MACF1: variants seen among roughly 807,000 people sequenced by gnomAD.
MACF1 encodes the protein microtubule actin crosslinking factor 1.
In MACF1, 193 loss-of-function variants were observed where a neutral mutation model predicts 854.8. That is an observed-to-expected ratio of 0.23 (90% CI 0.20 to 0.25). MACF1 has a LOEUF of 0.25. Ranked by LOEUF, MACF1 falls within the 10% of genes least tolerant of loss-of-function variation. The pLI, the probability that MACF1 is intolerant of heterozygous loss-of-function variation, is 1.00. For missense variants in MACF1, 7,722 were observed against 8,929.1 expected, an observed-to-expected ratio of 0.86 and a Z score of 5.45; for synonymous variants, 3,185 against 3,226.7, an observed-to-expected ratio of 0.99 and a Z score of 0.44.
chr1:39,334,378 A>C lies in MACF1; in HGVS notation c.7790A>C (p.Glu2597Ala), dbSNP rs1170155818. ...LISGQRLTLA[E>A]AKKEGLLTNE... ...TCTGGTCAGAGATTGACCTTGGCAG[A>C]AGCTAAAAAAGAAGGACTGTTAACT... The change falls in exon 37 of 101, where the codon GAA (glutamate) becomes GCA (alanine). Residue 2597 changes from glutamate to alanine, a missense_variant. By Grantham distance (107) the Glu-to-Ala change is moderately radical (BLOSUM62 -1). Coordinates refer to ENST00000564288, the MANE Select transcript of MACF1 (RefSeq NM_001394062.1). 6.2e-7 allele frequency: 1 copy of C among 1,614,160 alleles called. No individual in the cohort carries two copies. Among genetic ancestry groups the C allele is most frequent in the South Asian group, 1.1e-5 (1 of 91,080 alleles).
At chr1:39,158,225 G>C (rs983835957) in intron 2 of MACF1, among the ~76,000 whole-genome samples, 1 of 152,182 alleles carries the variant, frequency 6.6e-6, no homozygotes, top group South Asian at 2.1e-4. Flanking sequence ...TTGGGGATAT[G>C]TGGGTGATAT....
chr1:39,360,235 A>G (rs943584474), intron 47 of MACF1, among the ~76,000 whole-genome samples: 2 of 151,288 alleles, frequency 1.3e-5, no homozygotes, highest in African/African-American at 2.4e-5. Flanking sequence ...CTCAAAAGAA[A>G]CGAAAGATAA....
chr1:39,324,435 C>T, intron 34 of MACF1, 90 bp downstream of exon 34: 2 of 1,461,318 alleles, frequency 1.4e-6, no homozygotes, highest in Non-Finnish European at 1.8e-6. Flanking sequence ...GTGGGCCATT[C>T]CAGAAGTGAT....
intron 2 of MACF1, among the ~76,000 whole-genome samples, chr1:39,247,113 C>T (rs1172129295): frequency 7.6e-6 from 1 of 132,250 alleles, no homozygotes; most frequent in African/African-American, 2.9e-5. Flanking sequence ...CGCTCTGTTG[C>T]CCAGGCTGGA....
chr1:39,314,573 A>T (rs75402630), intron 26 of MACF1, among the ~76,000 whole-genome samples: 35 of 54,288 alleles, frequency 6.4e-4, no homozygotes, highest in East Asian at 1.8e-3. Flanking sequence ...TCTCTCTCAC[A>T]CACACACACA....
intron 44 of MACF1, among the ~76,000 whole-genome samples, chr1:39,353,629 G>A (rs567783849): frequency 1.3e-5 from 2 of 152,008 alleles, no homozygotes; most frequent in African/African-American, 4.8e-5. Flanking sequence ...CTTCAAAACG[G>A]TATATAAATC....
chr1:39,340,533 C>T lies in MACF1; in HGVS notation c.10247C>T (p.Thr3416Ile), dbSNP rs750776240. 3 of 1,613,860 alleles carry T rather than the reference C, an allele frequency of 1.9e-6. No homozygotes were observed. Among genetic ancestry groups the T allele is most frequent in the Non-Finnish European group, 1.7e-6 (2 of 1,179,918 alleles). The part of the protein sequence containing the change: ...VLERELKDLT[T>I]LVSQELECVN... ...GAAAGGGAGTTAAAGGATCTGACCA[C>T]CTTGGTCAGTCAGGAGCTGGAGTGT... Residue 3416 changes from threonine (T) to isoleucine (I), a missense_variant, in exon 39 of 101, where the codon ACC becomes ATC. By Grantham distance (89) the Thr-to-Ile change is moderately conservative (BLOSUM62 -1). Coordinates refer to ENST00000564288, the MANE Select transcript of MACF1 (RefSeq NM_001394062.1).
intron 58 of MACF1, among the ~76,000 whole-genome samples, chr1:39,408,730 GT>G (rs1347864216): frequency 6.6e-6 from 1 of 152,082 alleles, no homozygotes; most frequent in Non-Finnish European, 1.5e-5. Flanking sequence ...CGCGGGTTCC[GT>G]TCCTCTCCTT....
At chr1:39,417,369 A>C (rs1001792796) in intron 58 of MACF1, among the ~76,000 whole-genome samples, 1 of 152,172 alleles carries the variant, frequency 6.6e-6, no homozygotes, top group Non-Finnish European at 1.5e-5. Flanking sequence ...TTTGTATAAA[A>C]TAAGGGTTCT....
intron 2 of MACF1, among the ~76,000 whole-genome samples, chr1:39,095,388 C>T (rs1032647545): frequency 1.3e-5 from 2 of 151,286 alleles, no homozygotes; most frequent in Non-Finnish European, 2.9e-5. Context: ...TGGTGAAACC[C>T]TGTCTCTATT....
intron 2 of MACF1, among the ~76,000 whole-genome samples, chr1:39,143,429 A>G (rs1008260892): frequency 2.0e-5 from 3 of 152,220 alleles, no homozygotes; most frequent in Non-Finnish European, 4.4e-5. Context: ...ATAATAGGAT[A>G]GAGGAGAGGC....
chr1:39,171,957 T>C (rs1643956013), intron 2 of MACF1, among the ~76,000 whole-genome samples: 1 of 152,268 alleles, frequency 6.6e-6, no homozygotes, highest in Non-Finnish European at 1.5e-5. Context: ...ATCTTGTTGA[T>C]AATGGCTTCA....
At position 39,181,344 on chromosome 1, in the gene MACF1, C is replaced by T. The variant is rs193031353; in HGVS notation, c.221-49838C>T. ...TTCCGAGTATTAGTAAAGAGTGGCT[C>T]ACATTGCCTTTTACTTTATACGTTC... is the stretch of plus-strand genomic sequence containing the variant. On this transcript the variant is annotated intron_variant, in intron 2 of 93. Coordinates refer to the MACF1 transcript ENST00000361689. Among the ~76,000 whole-genome samples the T allele has an allele frequency of 1.9e-3, 295 of 152,298 alleles. 1 individual carries two copies. The highest frequency in any genetic ancestry group is 6.9e-3 in the African/African-American group (285 of 41,560).
chr1:39,319,592 G>C (rs1646474832), intron 30 of MACF1, 72 bp from the exon 31 acceptor site: 2 of 1,105,978 alleles, frequency 1.8e-6, no homozygotes, highest in East Asian at 2.4e-5. Context: ...TACTGCCTTA[G>C]AACATAGTAA....
At chr1:39,355,085 A>C (rs1333581593) in intron 44 of MACF1, among the ~76,000 whole-genome samples, 1 of 152,238 alleles carries the variant, frequency 6.6e-6, no homozygotes, top group African/African-American at 2.4e-5. Flanking sequence ...ATATTGGCTT[A>C]GCTGGAATAC....
At chr1:39,469,454 G>A (rs565362757) in intron 96 of MACF1, 93 bp from the exon 97 acceptor site, 3 of 873,972 alleles carry the variant, frequency 3.4e-6, no homozygotes, top group Middle Eastern at 2.2e-4. Context: ...TGCACAGGAG[G>A]CTCCCCCACT....
intron 6 of MACF1, among the ~76,000 whole-genome samples, chr1:39,264,392 C>G (rs1645205652): frequency 6.6e-6 from 1 of 152,128 alleles, no homozygotes; most frequent in Admixed American, 6.5e-5. Context: ...TGTTTATTTG[C>G]TGCCTGGATG....
intron 2 of MACF1, among the ~76,000 whole-genome samples, chr1:39,158,465 A>T (rs747173854): frequency 2.8e-4 from 43 of 152,146 alleles, no homozygotes; most frequent in Non-Finnish European, 2.9e-5. Flanking sequence ...AACTTGTCTC[A>T]TTGCCATGTA....
intron 2 of MACF1, among the ~76,000 whole-genome samples, chr1:39,094,883 C>T (rs569697166): frequency 2.6e-5 from 4 of 152,030 alleles, no homozygotes; most frequent in African/African-American, 7.2e-5. Flanking sequence ...AGAGTGAGAC[C>T]GGATCTCAAA....
Sources: allele counts gnomAD v4.1 joint callset (sites outside exome capture counted in the v4.1 genomes callset), GRCh38; gene constraint gnomAD v4.1.1; transcripts MANE v1.5; gene names NCBI Gene and HGNC (gene_info 2026-07-23, HGNC 2026-07-21).